The following KEL variants were observed in gnomAD, a reference collection of about 807,000 sequenced individuals.
KEL encodes kell blood group glycoprotein.
Under a neutral mutation model 99.5 loss-of-function variants are expected in KEL, and 96 were observed. The ratio of observed to expected loss-of-function variants is 0.97; its 90% CI spans 0.82 to 1.14. The LOEUF (loss-of-function observed/expected upper bound fraction) is 1.14. KEL is among the 50% of genes most tolerant of loss of function. The pLI, the probability that KEL is intolerant of heterozygous loss-of-function variation, is 0.00. For missense variants in KEL, 926 were observed against 924.2 expected, an observed-to-expected ratio of 1.00 and a Z score of -0.03; for synonymous variants, 355 against 354.8, an observed-to-expected ratio of 1.00 and a Z score of -0.01.
intron 6 of KEL, among the ~76,000 whole-genome samples, chr7:142,957,020 G>A (rs1315311752): frequency 6.6e-6 from 1 of 152,184 alleles, no homozygotes; most frequent in Admixed American, 6.5e-5. Context: ...GATAGGTCCT[G>A]AGAAACAAAG....
Position 142,962,218 on chromosome 7 carries a change from C to T in KEL, c.-12G>A, listed in dbSNP as rs375278831. 5.0e-6 allele frequency: 8 copies of T among 1,614,204 alleles called. No individual in the cohort carries two copies. Among genetic ancestry groups the T allele is most frequent in the Non-Finnish European group, 6.8e-6 (8 of 1,180,036 alleles). On this transcript the variant is annotated 5_prime_UTR_variant, in exon 1 of 19. Transcript: ENST00000355265. Reference sequence around the variant, plus strand: ...AGGGGACTTACCATCTGTCTATCTTCTGTGGCTCCAGAATCCTTCCTGGTT... The same window carrying T: ...AGGGGACTTACCATCTGTCTATCTTTTGTGGCTCCAGAATCCTTCCTGGTT...
chr7:142,955,113 C>T (rs900288782), intron 6 of KEL, among the ~76,000 whole-genome samples: 25 of 152,286 alleles, frequency 1.6e-4, no homozygotes, highest in African/African-American at 4.8e-4. Context: ...CTCTCTGAAC[C>T]TCTACTGCTT....
rs61729046 is a variant in KEL at position 142,943,511 on chromosome 7, G to C, written c.1678C>G (p.Pro560Ala). The change falls in exon 15 of 19, where the codon CCA (proline) becomes GCA (alanine). Residue 560 changes from proline (P) to alanine (A), a missense_variant. Pro to Ala is a conservative substitution (Grantham distance 27, BLOSUM62 -1). Coordinates refer to ENST00000355265, the MANE Select transcript of KEL (RefSeq NM_000420.3). ...VVFPAGLLQP[P>A]FFHPGYPRAV... is the part of the protein sequence containing the mutation. ...CTGGGATAGCCAGGGTGGAAGAATG[G>C]GGGTTGGAGGAGTCCAGCTGGAAAG... 1 of 1,614,106 alleles carries C rather than the reference G, an allele frequency of 6.2e-7. No homozygotes were observed. The highest frequency in any genetic ancestry group is 1.1e-5 in the South Asian group (1 of 91,086).
Position 142,942,530 on chromosome 7 carries a change from C to G in KEL, c.1942-1G>C. 3.7e-6 allele frequency: 6 copies of G among 1,602,818 alleles called. No homozygotes were observed. The South Asian group carries it at 6.7e-5, about 18-fold the overall frequency. ...GCCGTAACAGCCTCTTGCTGTATGC[C>G]TGGGTAGGGGTGGGTAGAGAAGGGC... On this transcript the variant is annotated splice_acceptor_variant, in intron 17 of 18. Transcript: ENST00000355265. LOFTEE classifies it high-confidence loss of function.
intron 18 of KEL, among the ~76,000 whole-genome samples, chr7:142,941,731 G>A (rs942025607): frequency 6.6e-6 from 1 of 151,974 alleles, no homozygotes; most frequent in African/African-American, 2.4e-5. Flanking sequence ...GGTGCTTAAG[G>A]AGGTGATGTC....
At position 142,942,964 on chromosome 7, in the gene KEL, A is replaced by G. The variant is rs1167359475; in HGVS notation, c.1852T>C (p.Phe618Leu). Residue 618 changes from phenylalanine (F) to leucine (L), a missense_variant, in exon 17 of 19, where the codon TTT becomes CTT. Phe to Leu is a conservative substitution (Grantham distance 22, BLOSUM62 0). Coordinates refer to ENST00000355265, the MANE Select transcript of KEL (RefSeq NM_000420.3). ...HLCLKRHYAAFPLPSRTSFND... is the reference protein window; with the variant it reads ...HLCLKRHYAALPLPSRTSFND... ...AAGGAGGTTCTGCTAGGTAATGGAA[A>G]GGCAGCATAATGGCGCTTCAGGCAC... 5 of 1,614,192 alleles carry G rather than the reference A, an allele frequency of 3.1e-6. No individual in the cohort carries two copies. In the South Asian group the frequency reaches 5.5e-5, roughly 18 times the overall value.
Position 142,941,296 on chromosome 7 carries a change from G to A in KEL, c.2155C>T (p.Arg719Cys). The A allele has an allele frequency of 2.5e-6, 4 of 1,614,102 alleles. No individual in the cohort carries two copies. The highest frequency in any genetic ancestry group is 3.4e-6 in the Non-Finnish European group (4 of 1,180,032). Reference sequence around the variant, plus strand: ...CTGGAGGGGTTCAAGAGAGCACCACGTGCACAGCGGAAATACCTGGCAAAG... The same window carrying A: ...CTGGAGGGGTTCAAGAGAGCACCACATGCACAGCGGAAATACCTGGCAAAG... ...PAFARYFRCA[R>C]GALLNPSSRC... The change falls in exon 19 of 19, where the codon CGT becomes TGT. Residue 719 changes from arginine to cysteine, a missense_variant. Transcript: ENST00000355265.
Position 142,943,490 on chromosome 7 carries a change from G to A in KEL, c.1699C>T (p.Pro567Ser). The part of the protein sequence containing the change: ...LQPPFFHPGY[P>S]RAVNFGAAGS... ...CCCTTACAGAGTGACCCATACCTGG[G>A]ATAGCCAGGGTGGAAGAATGGGGGT... The change falls in exon 15 of 19, where the codon CCC (proline) becomes TCC (serine). Residue 567 changes from proline to serine, a missense_variant. Transcript: ENST00000355265. The A allele has an allele frequency of 6.2e-7, 1 of 1,612,940 alleles. No individual in the cohort carries two copies. Among genetic ancestry groups the A allele is most frequent in the Non-Finnish European group, 8.5e-7 (1 of 1,178,872 alleles).
chr7:142,942,970 C>T lies in KEL; in HGVS notation c.1846G>A (p.Ala616Thr), dbSNP rs1471266357. The T allele has an allele frequency of 2.5e-6, 4 of 1,614,178 alleles. No individual in the cohort carries two copies. In the South Asian group the frequency reaches 3.3e-5, roughly 13 times the overall value. ...EAHLCLKRHY[A>T]AFPLPSRTSF... ...GTTCTGCTAGGTAATGGAAAGGCAG[C>T]ATAATGGCGCTTCAGGCACAGGTGA... The change falls in exon 17 of 19, where the codon GCT (alanine) becomes ACT (threonine). Residue 616 changes from alanine (A) to threonine (T), a missense_variant. Transcript: ENST00000355265.
At position 142,957,839 on chromosome 7, in the gene KEL, T is replaced by C. The variant is rs747381262; in HGVS notation, c.660A>G (p.Thr220=). 6.2e-7 allele frequency: 1 copy of C among 1,613,820 alleles called. No individual in the cohort carries two copies. Among genetic ancestry groups the C allele is most frequent in the Non-Finnish European group, 8.5e-7 (1 of 1,179,976 alleles). ...YLGPHPASPH[T]PVIQIDQPEF... The stretch of plus-strand genomic sequence containing the variant: ...GTGCATCCCTCACCTGGATGACTGG[T>C]GTGTGTGGAGAGGCAGGATGAGGTC... The change falls in exon 6 of 19, where the codon ACA becomes ACG. Residue 220 remains threonine (T), a synonymous_variant. Transcript: ENST00000355265.
At chr7:142,941,690 C>T (rs1261735844) in intron 18 of KEL, among the ~76,000 whole-genome samples, 1 of 152,058 alleles carries the variant, frequency 6.6e-6, no homozygotes, top group Non-Finnish European at 1.5e-5. Flanking sequence ...GTGTTGAAGA[C>T]CTGGCACCTG....
chr7:142,961,157 C>G, intron 3 of KEL, 53 bp from the exon 4 acceptor site: 2 of 1,597,374 alleles, frequency 1.3e-6, no homozygotes, highest in East Asian at 2.2e-5. Flanking sequence ...ACAAGGGCTC[C>G]CCCAAGGGGC....
chr7:142,941,480 G>A (rs1796352822), intron 18 of KEL, 67 bp from the exon 19 acceptor site: 1 of 1,461,416 alleles, frequency 6.8e-7, no homozygotes, highest in South Asian at 1.4e-5. Flanking sequence ...GTGACAAGGG[G>A]TGATCAGGGA....
chr7:142,959,002 A>G (rs577499139), intron 4 of KEL, among the ~76,000 whole-genome samples: 1 of 152,032 alleles, frequency 6.6e-6, no homozygotes, highest in Admixed American at 6.5e-5. Context: ...GACCAAACCA[A>G]TGTATTTCTT....
chr7:142,961,659 G>A, intron 2 of KEL, 136 bp downstream of exon 2: 2 of 1,287,498 alleles, frequency 1.6e-6, no homozygotes, highest in Non-Finnish European at 2.3e-6. Flanking sequence ...TAACTCCTGG[G>A]AGATGAGAAA....
In KEL at chr7:142,952,591, G is replaced by C; in HGVS notation, c.1121C>G (p.Ser374Cys). The change falls in exon 10 of 19, where the codon TCT becomes TGT. Residue 374 changes from serine (S) to cysteine (C), a missense_variant. Physicochemically the swap from Ser to Cys is moderately radical, Grantham distance 112. Transcript: ENST00000355265. The stretch of plus-strand genomic sequence containing the variant: ...CTGGAATTGACTGTCCAGGGCTGGA[G>C]AAAGGGTCACCACCAGCCCTAAGAT... ...HMILGLVVTLSPALDSQFQEA... is the reference protein window; with the variant it reads ...HMILGLVVTLCPALDSQFQEA... 6.2e-7 allele frequency: 1 copy of C among 1,614,102 alleles called. No homozygotes were observed. Among genetic ancestry groups the C allele is most frequent in the Middle Eastern group, 1.7e-4 (1 of 6,046 alleles).
intron 3 of KEL, 109 bp downstream of exon 3, chr7:142,961,251 G>T: frequency 1.9e-6 from 3 of 1,542,308 alleles, no homozygotes; most frequent in Non-Finnish European, 2.7e-6. Flanking sequence ...GAAGAACCAT[G>T]GGGACCCCAA....
At chr7:142,942,313 T>A in intron 18 of KEL, 121 bp downstream of exon 18, 1 of 711,036 alleles carries the variant, frequency 1.4e-6, no homozygotes, top group South Asian at 1.6e-5. Flanking sequence ...AGTGAGGACA[T>A]CTGCAGAAGA....
At chr7:142,948,914 A>ACACACACACACACACACAC (rs1389126108) in intron 10 of KEL, among the ~76,000 whole-genome samples, 24 of 152,150 alleles carry the variant, frequency 1.6e-4, no homozygotes, top group African/African-American at 5.5e-4. Context: ...ACACACACAC[A>ACACACACACACACACACAC]CACACACACA....
Sources: gnomAD v4.1 joint callset for allele counts (sites outside exome capture counted in the v4.1 genomes callset) on GRCh38, gnomAD v4.1.1 for gene constraint, MANE v1.5 for transcripts, NCBI Gene and HGNC (gene_info 2026-07-23, HGNC 2026-07-21) for gene names.